The following DYNC1H1 variants were observed in gnomAD, a reference collection of about 807,000 sequenced individuals.
The protein encoded by DYNC1H1 is dynein cytoplasmic 1 heavy chain 1, also known as cytoplasmic dynein 1 heavy chain 1.
A neutral mutation model predicts 527.1 loss-of-function variants in DYNC1H1; 51 were observed. That is an observed-to-expected ratio of 0.10 (90% CI 0.08 to 0.12). The LOEUF (loss-of-function observed/expected upper bound fraction) is 0.12, where lower values mean the gene tolerates loss of function less well. Ranked by LOEUF, DYNC1H1 falls within the 10% of genes least tolerant of loss-of-function variation. The pLI, the probability that DYNC1H1 is intolerant of heterozygous loss-of-function variation, is 1.00. For synonymous variants in DYNC1H1, 2,189 were observed against 2,278.8 expected (o/e 0.96, Z 1.12); for missense variants, 2,771 against 5,971.8 (o/e 0.46, Z 17.66).
intron 10 of DYNC1H1, among the ~76,000 whole-genome samples, chr14:101,991,008 A>C (rs1479105741): frequency 3.1e-5 from 4 of 130,578 alleles, no homozygotes; most frequent in Non-Finnish European, 4.7e-5. Context: ...ACTCCGTCTC[A>C]AAAAAAAAAA....
rs2048205694 is a variant in DYNC1H1 at position 102,007,149 on chromosome 14, G to A, written c.5817+41G>A. On this transcript the variant is annotated intron_variant, in intron 28 of 77. Transcript: ENST00000360184. The stretch of plus-strand genomic sequence containing the variant: ...GGATCCACCTAAAATGTAATGCCCT[G>A]CAGGGATCATTTGGGGAATATCAAG... 4.4e-6 allele frequency: 7 copies of A among 1,598,458 alleles called. No individual in the cohort carries two copies. In the East Asian group the frequency reaches 1.3e-4, roughly 31 times the overall value.
Position 102,036,229 on chromosome 14 carries a change from GAA to G in DYNC1H1, c.10755-256_10755-255del, listed in dbSNP as rs1340724639. On this transcript the variant is annotated intron_variant, in intron 56 of 77. Coordinates refer to ENST00000360184, the MANE Select transcript of DYNC1H1 (RefSeq NM_001376.5). The surrounding 1 kb of genome is among the most constrained non-coding windows in gnomAD (Gnocchi z 5.6). Reference sequence around the variant, plus strand: ...GCTGAGAGGATGATTGTCCCAGAAGGAAAAAGATTTTTAACTATGGCCCTCTT... The same window carrying G: ...GCTGAGAGGATGATTGTCCCAGAAGGAAAGATTTTTAACTATGGCCCTCTT... The G allele has an allele frequency of 9.0e-6, 4 of 445,322 alleles. No individual in the cohort carries two copies. The highest frequency in any genetic ancestry group is 8.0e-5 in the African/African-American group (4 of 50,112). The allele number at this position is 445,322 out of a possible 1,614,324, so 27.6% of individuals were successfully genotyped here.
chr14:101,987,387 G>A, intron 8 of DYNC1H1, 66 bp from the exon 9 acceptor site: 9 of 1,485,126 alleles, frequency 6.1e-6, no homozygotes, highest in Non-Finnish European at 8.3e-6. Flanking sequence ...TGAGAAGAAT[G>A]TTATGTGAGA....
At chr14:101,991,759 G>A (rs2048001153) in intron 11 of DYNC1H1, 86 bp downstream of exon 11, 1 of 1,571,256 alleles carries the variant, frequency 6.4e-7, no homozygotes, top group East Asian at 2.2e-5. Context: ...TGCTTCTTTA[G>A]ATAAGCTCTT....
chr14:102,026,738 C>G, intron 44 of DYNC1H1, 31 bp downstream of exon 44: 4 of 1,608,820 alleles, frequency 2.5e-6, no homozygotes, highest in Non-Finnish European at 2.5e-6. Flanking sequence ...AGCCCCACCT[C>G]TCGCCTAAGC....
In DYNC1H1 at chr14:102,027,679, G is replaced by T. The variant is rs769817685; in HGVS notation, c.9109G>T (p.Ala3037Ser). ...CTTGATGACGCAGTGCAAAGAGGGG[G>T]CACAGAAGGAAGGCCTGATGCTGGA... ...ATLMTQCKEG[A>S]QKEGLMLDSH... Residue 3037 changes from alanine (A) to serine (S), a missense_variant, in exon 47 of 78, where the codon GCA becomes TCA. Coordinates refer to ENST00000360184, the MANE Select transcript of DYNC1H1 (RefSeq NM_001376.5). This position sits in a 1 kb window ranked among gnomAD's most constrained non-coding sequence, Gnocchi z 7.7. 2.5e-5 allele frequency: 40 copies of T among 1,614,038 alleles called. No homozygotes were observed. The highest frequency in any genetic ancestry group is 3.1e-5 in the Non-Finnish European group (37 of 1,180,036).
rs1595614146 is a variant in DYNC1H1, at chr14:102,010,211, A to G, written c.6222-65A>G. 4.3e-6 allele frequency: 7 copies of G among 1,612,906 alleles called. No individual in the cohort carries two copies. Among genetic ancestry groups the G allele is most frequent in the East Asian group, 4.5e-5 (2 of 44,880 alleles). ...AAATATCCATCTCTGGTTTCTTGAC[A>G]CTTGACCCTATTATTGCTTAAAGTA... is the stretch of plus-strand genomic sequence containing the variant. On this transcript the variant is annotated intron_variant, in intron 30 of 77. Transcript: ENST00000360184. This position sits in a 1 kb window ranked among gnomAD's most constrained non-coding sequence, Gnocchi z 6.0.
intron 5 of DYNC1H1, among the ~76,000 whole-genome samples, chr14:101,982,290 T>C (rs2047876555): frequency 6.6e-6 from 1 of 152,030 alleles, no homozygotes; most frequent in African/African-American, 2.4e-5. Flanking sequence ...ATGGTGAGTA[T>C]GTAATAATAA....
Position 102,012,100 on chromosome 14 carries a change from C to T in DYNC1H1, c.6844C>T (p.His2282Tyr), listed in dbSNP as rs1229957063. The T allele has an allele frequency of 1.2e-6, 2 of 1,614,082 alleles. No homozygotes were observed. The highest frequency in any genetic ancestry group is 8.5e-7 in the Non-Finnish European group (1 of 1,180,040). The change falls in exon 33 of 78, where the codon CAC becomes TAC. Residue 2282 changes from histidine (H) to tyrosine (Y), a missense_variant. Around this residue, in one of 32 missense-constraint regions of DYNC1H1, gnomAD observed 56 missense variants for 183.8 expected, o/e 0.30. Transcript: ENST00000360184. The surrounding 1 kb of genome is among the most constrained non-coding windows in gnomAD (Gnocchi z 4.9). ...GGAATGGACAGATGGGCTCTTCACA[C>T]ACGTGCTGAGAAAGTACGTCTTCTT... ...TREWTDGLFT[H>Y]VLRKIIDSVR...
chr14:101,988,997 C>A, intron 10 of DYNC1H1, 145 bp downstream of exon 10: 3 of 1,126,930 alleles, frequency 2.7e-6, no homozygotes, highest in African/African-American at 1.5e-5. Flanking sequence ...TCACCAGTGG[C>A]GATGTGCAGG....
At chr14:102,026,029 T>G (rs1383960941) in intron 43 of DYNC1H1, among the ~76,000 whole-genome samples, 4 of 150,910 alleles carry the variant, frequency 2.7e-5, no homozygotes, top group Admixed American at 2.6e-4. Context: ...GCAGGAGAAT[T>G]GCTTGAACCC....
intron 43 of DYNC1H1, among the ~76,000 whole-genome samples, chr14:102,025,764 G>T (rs17512586): frequency 6.6e-6 from 1 of 152,084 alleles, no homozygotes; most frequent in Admixed American, 6.6e-5. Flanking sequence ...ATAGGTATCC[G>T]TTAGTTGTTC....
chr14:102,043,361 G>A lies in DYNC1H1; in HGVS notation c.12514-514G>A, dbSNP rs190046844. 3 of 230,328 alleles carry A rather than the reference G, an allele frequency of 1.3e-5. No individual in the cohort carries two copies. In the East Asian group the frequency reaches 3.5e-4, roughly 27 times the overall value. 14.3% of individuals were successfully genotyped at this position (230,328 alleles called of 1,614,324 possible). A position where few individuals can be genotyped will look rare whatever the true frequency, so the allele number is the denominator to read the frequency against. ...ATATAAAATTTCCTTCCTTTGAGCA[G>A]GTTGAAAAGTAAAAGCCATGTTTGA... On this transcript the variant is annotated intron_variant, in intron 69 of 77. Transcript: ENST00000360184.
rs2048264172 is a variant in DYNC1H1 at position 102,012,011 on chromosome 14, A to T, written c.6755A>T (p.His2252Leu). 1 of 1,613,988 alleles carries T rather than the reference A, an allele frequency of 6.2e-7. No individual in the cohort carries two copies. Among genetic ancestry groups the T allele is most frequent in the Admixed American group, 1.7e-5 (1 of 59,994 alleles). ...CTCGAGGGTGTGGAAGGTGTGGCCC[A>T]TATCATCGACCCCAAGGCCATCAGC... ...ERLEGVEGVA[H>L]IIDPKAISKD... The change falls in exon 33 of 78, where the codon CAT becomes CTT. Residue 2252 changes from histidine to leucine, a missense_variant. Physicochemically the swap from His to Leu is moderately conservative, Grantham distance 99 (BLOSUM62 -3). Around this residue, in one of 32 missense-constraint regions of DYNC1H1, gnomAD observed 56 missense variants for 183.8 expected, o/e 0.30. Coordinates refer to ENST00000360184, the MANE Select transcript of DYNC1H1 (RefSeq NM_001376.5). This position sits in a 1 kb window ranked among gnomAD's most constrained non-coding sequence, Gnocchi z 4.9.
chr14:102,021,566 G>A (rs1164865378), intron 42 of DYNC1H1, among the ~76,000 whole-genome samples: 1 of 151,888 alleles, frequency 6.6e-6, no homozygotes, highest in African/African-American at 2.4e-5. Flanking sequence ...TCACACAGCA[G>A]CGCAGTCACA....
In DYNC1H1 at chr14:102,005,051, G is replaced by A. The variant is rs199740595; in HGVS notation, c.5248G>A (p.Val1750Met). The part of the protein sequence containing the change: ...TWIDKYQAQL[V>M]VLSAQIAWSE... ...TTTCTGTGTCTTTCAGGCCCAGCTT[G>A]TGGTTTTGTCAGCCCAGATAGCCTG... The change falls in exon 26 of 78, where the codon GTG (valine) becomes ATG (methionine). Residue 1750 changes from valine (V) to methionine (M), a missense_variant. Val to Met is a conservative substitution (Grantham distance 21). Coordinates refer to ENST00000360184, the MANE Select transcript of DYNC1H1 (RefSeq NM_001376.5). This position sits in a 1 kb window ranked among gnomAD's most constrained non-coding sequence, Gnocchi z 4.0. 9.6e-5 allele frequency: 155 copies of A among 1,614,116 alleles called. No individual in the cohort carries two copies. The highest frequency in any genetic ancestry group is 1.3e-4 in the Non-Finnish European group (149 of 1,180,048).
intron 2 of DYNC1H1, among the ~76,000 whole-genome samples, chr14:101,977,839 T>C (rs1022489226): frequency 6.6e-6 from 1 of 152,248 alleles, no homozygotes; most frequent in Admixed American, 6.5e-5. Flanking sequence ...TTTCTCAATG[T>C]GTTACATCAG....
Position 102,016,628 on chromosome 14 carries a change from ATG to A in DYNC1H1, c.7615-134_7615-133del. Reference sequence around the variant, plus strand: ...AGAAGGACTTTATCCTTTTAGTTCCATGTGTTAGCAAAGAGTGCAGATTAACC... The same window carrying A: ...AGAAGGACTTTATCCTTTTAGTTCCATGTTAGCAAAGAGTGCAGATTAACC... On this transcript the variant is annotated intron_variant, in intron 37 of 77. Coordinates refer to ENST00000360184, the MANE Select transcript of DYNC1H1 (RefSeq NM_001376.5). The surrounding 1 kb of genome is among the most constrained non-coding windows in gnomAD (Gnocchi z 7.3). The A allele has an allele frequency of 1.3e-6, 2 of 1,555,572 alleles. No individual in the cohort carries two copies. The highest frequency in any genetic ancestry group is 1.8e-6 in the Non-Finnish European group (2 of 1,136,334).
intron 41 of DYNC1H1, among the ~76,000 whole-genome samples, chr14:102,019,123 G>A (rs566362117): frequency 6.6e-6 from 1 of 152,306 alleles, no homozygotes; most frequent in African/African-American, 2.4e-5. Context: ...ATGTGTATAT[G>A]ATGAAAATAG....
Sources: gnomAD v4.1 joint callset for allele counts (sites outside exome capture counted in the v4.1 genomes callset) on GRCh38, gnomAD v4.1.1 for gene constraint, gnomAD v4.1.1 regional missense constraint, Gnocchi (gnomAD v3.1) non-coding constraint, MANE v1.5 for transcripts, NCBI Gene and HGNC (gene_info 2026-07-23, HGNC 2026-07-21) for gene names.